NAF1: variants seen among roughly 807,000 people sequenced by gnomAD.
NAF1 encodes the protein nuclear assembly factor 1 ribonucleoprotein.
A neutral mutation model predicts 40.6 loss-of-function variants in NAF1; 11 were observed. That is an observed-to-expected ratio of 0.27 (90% CI 0.17 to 0.45). The LOEUF is 0.45. Ranked by LOEUF, NAF1 falls within the 20% of genes least tolerant of loss-of-function variation. The pLI, the probability that NAF1 is intolerant of heterozygous loss-of-function variation, is 1.00. For missense variants in NAF1, 607 were observed against 611.1 expected (o/e 0.99, Z 0.07); for synonymous variants, 260 against 228.5 (o/e 1.14, Z -1.24).
At chr4:163,142,753 A>G (rs954958606) in intron 4 of NAF1, among the ~76,000 whole-genome samples, 3 of 152,204 alleles carry the variant, frequency 2.0e-5, no homozygotes, top group Non-Finnish European at 2.9e-5. Context: ...CAGAGTAGAA[A>G]AGAGGAATTT....
downstream of NAF1, among the ~76,000 whole-genome samples, chr4:163,105,774 G>T (rs1049433211): frequency 1.3e-5 from 2 of 152,108 alleles, no homozygotes; most frequent in Non-Finnish European, 2.9e-5. Flanking sequence ...TGTCTGGCTT[G>T]TATCTGTCTT....
intron 2 of NAF1, among the ~76,000 whole-genome samples, chr4:163,121,292 C>T (rs1050679784): frequency 3.9e-5 from 6 of 152,090 alleles, no homozygotes; most frequent in Non-Finnish European, 8.8e-5. Context: ...AGTCCATTTC[C>T]ATACAGGATA....
At chr4:163,120,507 G>A (rs1294820586) in intron 2 of NAF1, among the ~76,000 whole-genome samples, 2 of 152,162 alleles carry the variant, frequency 1.3e-5, no homozygotes, top group Non-Finnish European at 2.9e-5. Flanking sequence ...GAAAGATGGA[G>A]TAATGGAACT....
At chr4:163,110,308 AAAATCAGAT>A in intron 2 of NAF1, 1 of 699,576 alleles carries the variant, frequency 1.4e-6, no homozygotes, top group Non-Finnish European at 2.6e-6. Flanking sequence ...TAGGTGAGGT[AAAATCAGAT>A]ATTTTGAGAG....
Position 163,166,491 on chromosome 4 carries a change from C to T in NAF1, c.237G>A (p.Pro79=), listed in dbSNP as rs754560314. ...PVLNAVAAGT[P]APQPQPPAES... ...CAGCCGGTGGCTGTGGCTGCGGCGC[C>T]GGGGTCCCGGCCGCGACGGCGTTCA... Residue 79 remains proline (P), a synonymous_variant, in exon 1 of 8, where the codon CCG becomes CCA. Transcript: ENST00000274054. 1.6e-5 allele frequency: 26 copies of T among 1,598,448 alleles called. No homozygotes were observed. In the African/African-American group the frequency reaches 2.5e-4, roughly 16 times the overall value.
intron 2 of NAF1, among the ~76,000 whole-genome samples, chr4:163,155,690 T>A (rs868537796): frequency 6.6e-6 from 1 of 152,162 alleles, no homozygotes; most frequent in African/African-American, 2.4e-5. Context: ...CTGCCCCTCC[T>A]AAGATAATGA....
intron 2 of NAF1, among the ~76,000 whole-genome samples, chr4:163,159,375 A>AAAT (rs1346093726): frequency 6.6e-6 from 1 of 152,138 alleles, no homozygotes; most frequent in African/African-American, 2.4e-5. Flanking sequence ...AGTGCTATCA[A>AAAT]AGTGTATTCT....
intron 2 of NAF1, among the ~76,000 whole-genome samples, chr4:163,163,275 C>T (rs1008880489): frequency 6.6e-6 from 1 of 151,916 alleles, no homozygotes; most frequent in Non-Finnish European, 1.5e-5. Flanking sequence ...AAAGCATAAG[C>T]GAGACGAGAA....
intron 2 of NAF1, among the ~76,000 whole-genome samples, chr4:163,153,137 G>A (rs1323271477): frequency 2.6e-5 from 4 of 152,306 alleles, no homozygotes; most frequent in East Asian, 1.9e-4. Context: ...CCCCGCCTCC[G>A]TGGGTTCCTG....
intron 2 of NAF1, among the ~76,000 whole-genome samples, chr4:163,161,018 C>CAAAA (rs796248441): frequency 8.4e-5 from 5 of 59,692 alleles, no homozygotes; most frequent in Admixed American, 1.9e-4. Flanking sequence ...TGTCATTTTC[C>CAAAA]AAAAAAAAAA....
intron 2 of NAF1, among the ~76,000 whole-genome samples, chr4:163,116,149 T>C (rs1382658): frequency 0.63 from 96,450 of 152,000 alleles, 30,663 homozygotes; most frequent in South Asian, 0.73. Flanking sequence ...CAGTTTTTGA[T>C]TGATATTGAG....
intron 2 of NAF1, among the ~76,000 whole-genome samples, chr4:163,116,202 G>C (rs1470295631): frequency 6.6e-6 from 1 of 152,054 alleles, no homozygotes; most frequent in Non-Finnish European, 1.5e-5. Context: ...CTAATTAATA[G>C]GTCCAAAAAT....
chr4:163,125,344 GT>G (rs1164078388), downstream of NAF1, among the ~76,000 whole-genome samples: 3 of 152,204 alleles, frequency 2.0e-5, no homozygotes, highest in African/African-American at 7.2e-5. Flanking sequence ...AAACAGCCAA[GT>G]TGCGAATGCA....
chr4:163,139,081 C>G (rs1362176370), intron 5 of NAF1, among the ~76,000 whole-genome samples: 4 of 152,034 alleles, frequency 2.6e-5, no homozygotes, highest in Non-Finnish European at 5.9e-5. Flanking sequence ...TTATCAGGAT[C>G]AAAATTTTCA....
chr4:163,156,128 A>C (rs1343692828), intron 2 of NAF1, among the ~76,000 whole-genome samples: 2 of 119,072 alleles, frequency 1.7e-5, no homozygotes, highest in African/African-American at 5.4e-5. Context: ...TTATTTACTC[A>C]ATATTAGATA....
intron 2 of NAF1, among the ~76,000 whole-genome samples, chr4:163,116,001 C>A (rs1430874136): frequency 6.6e-6 from 1 of 152,120 alleles, no homozygotes; most frequent in African/African-American, 2.4e-5. Context: ...CCTCTTGAAG[C>A]AAAATTGATT....
intron 7 of NAF1, 90 bp downstream of exon 7, chr4:163,133,064 A>T (rs1411112576): frequency 1.4e-5 from 15 of 1,071,454 alleles, no homozygotes; most frequent in Non-Finnish European, 2.1e-5. Flanking sequence ...AACAGAGAGA[A>T]CCCAGATGTT....
chr4:163,145,815 TAC>T lies in NAF1; in HGVS notation c.682_683del (p.Val228AsnfsTer3), dbSNP rs1731441306. 2.5e-6 allele frequency: 4 copies of T among 1,590,004 alleles called. No individual in the cohort carries two copies. The highest frequency in any genetic ancestry group is 3.4e-6 in the Non-Finnish European group (4 of 1,163,544). Reference protein sequence around the residue: ...TNLPPVNEETVIFKSDRQAAG... With the variant: ...TNLPPVNEETXIFKSDRQAAG... ...CTGCTTGTCGATCACTTTTAAAAAT[TAC>T]AGTCTCCTCATTAACTGGAGGTAGG... On this transcript the variant is annotated frameshift_variant, in exon 4 of 8. Transcript: ENST00000274054. LOFTEE classifies it high-confidence loss of function.
At chr4:163,105,647 A>C (rs1376180835), downstream of NAF1, among the ~76,000 whole-genome samples, 1 of 152,122 alleles carries the variant, frequency 6.6e-6, no homozygotes, top group African/African-American at 2.4e-5. Flanking sequence ...TTTTCATTAT[A>C]TTATAAGCAA....
Sources: gnomAD v4.1 joint callset for allele counts (sites outside exome capture counted in the v4.1 genomes callset) on GRCh38, gnomAD v4.1.1 for gene constraint, MANE v1.5 for transcripts, NCBI Gene and HGNC (gene_info 2026-07-23, HGNC 2026-07-21) for gene names.